The following ROBO2 variants were observed in gnomAD, a reference collection of about 807,000 sequenced individuals.
ROBO2 encodes the protein roundabout homolog 2.
ROBO2 carries 53 observed loss-of-function variants against 160.8 expected under a neutral mutation model. The ratio of observed to expected loss-of-function variants is 0.33; its 90% CI spans 0.26 to 0.41. ROBO2 has a LOEUF of 0.41. Among genes scored for constraint, ROBO2 ranks in the 10% least tolerant of loss-of-function variants. The probability of loss-of-function intolerance (pLI) is 1.00; values close to 1 mark genes in which losing one functional copy is unlikely to be tolerated. For synonymous variants in ROBO2, 664 were observed against 611.7 expected (o/e 1.09, Z -1.26); for missense variants, 1,577 against 1,722.4 (o/e 0.92, Z 1.49).
intron 5 of ROBO2, among the ~76,000 whole-genome samples, chr3:77,515,979 A>ATATT (rs1468936380): frequency 6.6e-6 from 1 of 151,620 alleles, no homozygotes; most frequent in Non-Finnish European, 1.5e-5. Flanking sequence ...TTATTATTGC[A>ATATT]TAATAAAAGA....
chr3:76,997,385 T>C (rs568283357), intron 2 of ROBO2, among the ~76,000 whole-genome samples: 1 of 152,206 alleles, frequency 6.6e-6, no homozygotes, highest in Non-Finnish European at 1.5e-5. Context: ...ATAGTGCTTA[T>C]TGAACAGTAT....
chr3:76,464,102 G>A (rs1323066239), intron 2 of ROBO2, among the ~76,000 whole-genome samples: 2 of 152,122 alleles, frequency 1.3e-5, no homozygotes, highest in East Asian at 3.9e-4. Context: ...ACAGTCTGGT[G>A]CCTCTCACTG....
At chr3:76,777,698 T>C (rs2062366283) in intron 2 of ROBO2, among the ~76,000 whole-genome samples, 1 of 151,048 alleles carries the variant, frequency 6.6e-6, no homozygotes, top group African/African-American at 2.4e-5. Flanking sequence ...GGATTTATAC[T>C]AATAGGCTGT....
chr3:76,072,923 A>G (rs1260230234), intron 2 of ROBO2, among the ~76,000 whole-genome samples: 1 of 152,218 alleles, frequency 6.6e-6, no homozygotes, highest in African/African-American at 2.4e-5. Context: ...AATGAAATCA[A>G]TAATAGAAAG....
intron 2 of ROBO2, among the ~76,000 whole-genome samples, chr3:76,014,556 C>T (rs561982029): frequency 1.3e-4 from 19 of 144,690 alleles, no homozygotes; most frequent in Admixed American, 7.9e-4. Flanking sequence ...TGCGTGTAAT[C>T]CCAGAAGTAA....
intron 2 of ROBO2, among the ~76,000 whole-genome samples, chr3:76,001,486 A>G (rs891618482): frequency 1.3e-5 from 2 of 152,134 alleles, no homozygotes; most frequent in Non-Finnish European, 2.9e-5. Context: ...ACTCTTCAGT[A>G]TGTAAACTCA....
chr3:77,552,558 G>T (rs1475987417), intron 8 of ROBO2, among the ~76,000 whole-genome samples: 1 of 151,914 alleles, frequency 6.6e-6, no homozygotes, highest in Non-Finnish European at 1.5e-5. Context: ...TTCTTTCTGT[G>T]GTCAAAAATA....
intron 23 of ROBO2, among the ~76,000 whole-genome samples, chr3:77,622,755 T>C (rs1002360006): frequency 6.6e-6 from 1 of 152,194 alleles, no homozygotes; most frequent in Non-Finnish European, 1.5e-5. Context: ...AGAAATGATC[T>C]TTTTTATATA....
chr3:76,894,691 AG>A (rs2074629141), intron 2 of ROBO2, among the ~76,000 whole-genome samples: 1 of 152,148 alleles, frequency 6.6e-6, no homozygotes, highest in African/African-American at 2.4e-5. Flanking sequence ...CTAAGTAAAA[AG>A]TTTTTCTGGC....
At chr3:76,366,818 AAAT>A (rs1336592483) in intron 2 of ROBO2, among the ~76,000 whole-genome samples, 1 of 152,012 alleles carries the variant, frequency 6.6e-6, no homozygotes, top group Non-Finnish European at 1.5e-5. Flanking sequence ...TTAAGCAGAG[AAAT>A]AATAATTAAT....
At chr3:77,461,143 G>A (rs2082200103) in intron 2 of ROBO2, among the ~76,000 whole-genome samples, 1 of 151,964 alleles carries the variant, frequency 6.6e-6, no homozygotes, top group Non-Finnish European at 1.5e-5. Context: ...TTTAGAACCT[G>A]CAATTTAATT....
At chr3:76,938,049 A>G (rs2077836952) in intron 2 of ROBO2, among the ~76,000 whole-genome samples, 1 of 152,250 alleles carries the variant, frequency 6.6e-6, no homozygotes, top group Non-Finnish European at 1.5e-5. Flanking sequence ...GACGGGCCTC[A>G]GAGAACAAGC....
chr3:75,934,261 G>A (rs1259647507), intron 1 of ROBO2, among the ~76,000 whole-genome samples: 1 of 152,124 alleles, frequency 6.6e-6, no homozygotes, highest in Admixed American at 6.5e-5. Context: ...AGCACAATGG[G>A]CTCAACTATC....
intron 2 of ROBO2, chr3:77,317,328 C>A: frequency 1.3e-6 from 1 of 773,338 alleles, no homozygotes. Context: ...CAGCCTCAGG[C>A]CACGTGCAAG....
intron 2 of ROBO2, among the ~76,000 whole-genome samples, chr3:77,109,977 A>G (rs2073351976): frequency 6.6e-6 from 1 of 152,196 alleles, no homozygotes; most frequent in Admixed American, 6.5e-5. Context: ...TGGCGCAAAC[A>G]ATTCTGTGAT....
intron 2 of ROBO2, among the ~76,000 whole-genome samples, chr3:76,616,330 A>G (rs1386228137): frequency 1.3e-5 from 2 of 152,336 alleles, no homozygotes; most frequent in African/African-American, 4.8e-5. Context: ...TAGAAACTAT[A>G]AAAGCTCAAG....
chr3:77,548,891 A>C lies in ROBO2; in HGVS notation c.1060-1927A>C, dbSNP rs150087290. ...GTGCTTGAGCAAATTATAAATTCTC[A>C]AATCATGAATTGGGATATTGGGAAA... On this transcript the variant is annotated intron_variant, in intron 7 of 25. Transcript: ENST00000461745. Among the ~76,000 whole-genome samples, 192 of 152,106 alleles carry C rather than the reference A, an allele frequency of 1.3e-3. 1 individual carries two copies. The highest frequency in any genetic ancestry group is 4.5e-3 in the African/African-American group (186 of 41,538).
At chr3:76,153,025 C>T (rs981621593) in intron 2 of ROBO2, among the ~76,000 whole-genome samples, 1 of 152,060 alleles carries the variant, frequency 6.6e-6, no homozygotes, top group African/African-American at 2.4e-5. Flanking sequence ...TATGATAATG[C>T]AACCTGAGTT....
chr3:77,142,395 C>T (rs1487347776), intron 2 of ROBO2, among the ~76,000 whole-genome samples: 1 of 152,154 alleles, frequency 6.6e-6, no homozygotes, highest in Non-Finnish European at 1.5e-5. Flanking sequence ...CACTGACGTG[C>T]AAGCACATAT....
Sources: allele counts gnomAD v4.1 joint callset (sites outside exome capture counted in the v4.1 genomes callset), GRCh38; gene constraint gnomAD v4.1.1; transcripts MANE v1.5; gene names NCBI Gene and HGNC (gene_info 2026-07-23, HGNC 2026-07-21).